Variants in CTTNBP2NL observed in about 807,000 individuals in gnomAD.
CTTNBP2NL encodes the protein CTTNBP2 N-terminal like.
In CTTNBP2NL, 16 loss-of-function variants were observed where a neutral mutation model predicts 32.5. The ratio of observed to expected loss-of-function variants is 0.49; its 90% confidence interval spans 0.33 to 0.75. CTTNBP2NL has a LOEUF of 0.75. Ranked by LOEUF, CTTNBP2NL falls within the 30% of genes least tolerant of loss-of-function variation. CTTNBP2NL has a pLI of 0.02. For missense variants in CTTNBP2NL, 645 were observed against 756.0 expected (o/e 0.85, Z 1.72); for synonymous variants, 298 against 289.4 (o/e 1.03, Z -0.30).
At chr1:112,418,494 A>C (rs1649129585) in intron 3 of CTTNBP2NL, among the ~76,000 whole-genome samples, 1 of 152,070 alleles carries the variant, frequency 6.6e-6, no homozygotes, top group Non-Finnish European at 1.5e-5. Context: ...ATTGTTATGG[A>C]GGGGACCTAT....
At chr1:112,434,008 A>G (rs185465804) in intron 3 of CTTNBP2NL, among the ~76,000 whole-genome samples, 45 of 152,026 alleles carry the variant, frequency 3.0e-4, no homozygotes, top group Non-Finnish European at 1.2e-4. Context: ...AAAGGCCACC[A>G]TGCCTGGCCT....
At chr1:112,395,944 A>G (rs918975518), upstream of CTTNBP2NL, among the ~76,000 whole-genome samples, 2 of 152,254 alleles carry the variant, frequency 1.3e-5, no homozygotes, top group East Asian at 3.9e-4. Context: ...AGAGGTGGAA[A>G]GTTGCAGACC....
chr1:112,460,703 A>T lies in CTTNBP2NL; in HGVS notation c.*3291A>T, dbSNP rs1301941682. 1 of 152,224 alleles carries T rather than the reference A, an allele frequency of 6.6e-6. No individual in the cohort carries two copies. Among genetic ancestry groups the T allele is most frequent in the Non-Finnish European group, 1.5e-5 (1 of 68,028 alleles). The allele number at this position is 152,224 out of a possible 1,614,324, so 9.4% of individuals were successfully genotyped here. ...CTACTCCAGCGCTGTTGCTGCTGCA[A>T]TGTTAGCAAATGCAAGCCAGAGAGA... On this transcript the variant is annotated 3_prime_UTR_variant, in exon 6 of 6. Coordinates refer to ENST00000271277, the MANE Select transcript of CTTNBP2NL (RefSeq NM_018704.3).
chr1:112,427,788 T>G (rs1649444553), intron 3 of CTTNBP2NL, among the ~76,000 whole-genome samples: 1 of 150,476 alleles, frequency 6.6e-6, no homozygotes, highest in Non-Finnish European at 1.5e-5. Context: ...CCCAGCTACT[T>G]GGGAGGCTGA....
upstream of CTTNBP2NL, among the ~76,000 whole-genome samples, chr1:112,393,916 A>C (rs911748927): frequency 6.6e-6 from 1 of 152,076 alleles, no homozygotes; most frequent in Non-Finnish European, 1.5e-5. Flanking sequence ...AGGGAAAGAA[A>C]GGAGGACCTG....
intron 1 of CTTNBP2NL, among the ~76,000 whole-genome samples, chr1:112,410,464 T>TA (rs1026390173): frequency 2.0e-5 from 3 of 152,178 alleles, no homozygotes; most frequent in African/African-American, 7.2e-5. Context: ...ATATCTTTTT[T>TA]AAAAATAAAT....
At chr1:112,418,591 A>C (rs924361194) in intron 3 of CTTNBP2NL, among the ~76,000 whole-genome samples, 1 of 152,148 alleles carries the variant, frequency 6.6e-6, no homozygotes, top group Non-Finnish European at 1.5e-5. Context: ...CTTCTTTATG[A>C]ACGTCTTTCC....
intron 4 of CTTNBP2NL, among the ~76,000 whole-genome samples, chr1:112,454,246 A>G (rs541072504): frequency 6.0e-4 from 91 of 152,334 alleles, no homozygotes; most frequent in African/African-American, 1.9e-3. Context: ...TAAAGTAAGT[A>G]TCTTACTGTT....
chr1:112,417,965 C>T (rs937028863), intron 3 of CTTNBP2NL, among the ~76,000 whole-genome samples: 11 of 152,082 alleles, frequency 7.2e-5, no homozygotes, highest in African/African-American at 2.7e-4. Flanking sequence ...TACCAATTTT[C>T]TTCCTTTTAA....
chr1:112,454,415 T>A (rs1570747327), intron 4 of CTTNBP2NL, 34 bp from the exon 5 acceptor site: 1 of 1,505,354 alleles, frequency 6.6e-7, no homozygotes. Flanking sequence ...GACTCCTTGA[T>A]ATTTGAAAAT....
intron 1 of CTTNBP2NL, among the ~76,000 whole-genome samples, chr1:112,404,496 A>G (rs1648601513): frequency 6.6e-6 from 1 of 152,218 alleles, no homozygotes; most frequent in Non-Finnish European, 1.5e-5. Context: ...CAATGACGTC[A>G]TCATCCTACA....
At chr1:112,410,999 G>A (rs1271856963) in intron 1 of CTTNBP2NL, among the ~76,000 whole-genome samples, 1 of 152,096 alleles carries the variant, frequency 6.6e-6, no homozygotes, top group African/African-American at 2.4e-5. Flanking sequence ...ATGAATATGG[G>A]GCTAGAAATA....
intron 3 of CTTNBP2NL, among the ~76,000 whole-genome samples, chr1:112,441,913 A>T (rs908328456): frequency 6.6e-6 from 1 of 152,158 alleles, no homozygotes. Context: ...ATTTTCAGAA[A>T]TGTACGGTCT....
At chr1:112,432,519 A>G (rs753151037) in intron 3 of CTTNBP2NL, among the ~76,000 whole-genome samples, 5 of 152,092 alleles carry the variant, frequency 3.3e-5, no homozygotes, top group African/African-American at 7.2e-5. Flanking sequence ...CTTCTTACTG[A>G]TTGGAAATGT....
chr1:112,400,558 C>A (rs974736128), intron 1 of CTTNBP2NL, among the ~76,000 whole-genome samples: 2 of 152,076 alleles, frequency 1.3e-5, no homozygotes, highest in Non-Finnish European at 2.9e-5. Context: ...TTTGGGAGGC[C>A]AAGGCAGGCG....
chr1:112,412,608 CTTTTTTTTTTTTTTT>C (rs35667800), intron 2 of CTTNBP2NL, among the ~76,000 whole-genome samples: 1 of 88,922 alleles, frequency 1.1e-5, no homozygotes, highest in Admixed American at 1.4e-4. Flanking sequence ...GAGTTGGTAC[CTTTTTTTTTTTTTTT>C]TTTTTTTTTT....
chr1:112,430,214 T>TTCTTGTCTTG (rs1334326709), intron 3 of CTTNBP2NL, among the ~76,000 whole-genome samples: 1 of 41,002 alleles, frequency 2.4e-5, no homozygotes, highest in African/African-American at 4.2e-5. Flanking sequence ...TTCTTTTCTT[T>TTCTTGTCTTG]TCTTTTCTTG....
At position 112,457,392 on chromosome 1, in the gene CTTNBP2NL, C is replaced by G. The variant is rs1240305545; in HGVS notation, c.1900C>G (p.Leu634Val). The change falls in exon 6 of 6, where the codon CTT becomes GTT. Residue 634 changes from leucine to valine, a missense_variant. Coordinates refer to ENST00000271277, the MANE Select transcript of CTTNBP2NL (RefSeq NM_018704.3). ...AGCAAATGGTAAGGATGTTGAGTTA[C>G]TTTTGCCTACCAGCAGCTAGTCCCT... ...VVANGKDVEL[L>V]LPTSS The G allele has an allele frequency of 1.9e-6, 3 of 1,611,750 alleles. No homozygotes were observed. Among genetic ancestry groups the G allele is most frequent in the Non-Finnish European group, 2.5e-6 (3 of 1,178,490 alleles).
chr1:112,439,964 CAGAG>C (rs1196714874), intron 3 of CTTNBP2NL, among the ~76,000 whole-genome samples: 1 of 152,152 alleles, frequency 6.6e-6, no homozygotes, highest in Non-Finnish European at 1.5e-5. Flanking sequence ...AACATTTAAA[CAGAG>C]AGGCTATTTG....
Sources: gnomAD v4.1 joint callset for allele counts (sites outside exome capture counted in the v4.1 genomes callset) on GRCh38, gnomAD v4.1.1 for gene constraint, MANE v1.5 for transcripts, NCBI Gene and HGNC (gene_info 2026-07-23, HGNC 2026-07-21) for gene names.